The following STXBP5L variants were observed in gnomAD, a reference collection of about 807,000 sequenced individuals.
The protein encoded by STXBP5L is syntaxin binding protein 5L.
A neutral mutation model predicts 144.5 loss-of-function variants in STXBP5L; 65 were observed. That is an observed-to-expected ratio of 0.45 (90% CI 0.37 to 0.55). STXBP5L has a LOEUF of 0.55. Among genes scored for constraint, STXBP5L ranks in the 20% least tolerant of loss-of-function variants. The probability of loss-of-function intolerance (pLI) is 0.00; values close to 1 mark genes in which losing one functional copy is unlikely to be tolerated. For synonymous variants in STXBP5L, 505 were observed against 469.6 expected (o/e 1.08, Z -0.97); for missense variants, 1,298 against 1,405.5 (o/e 0.92, Z 1.22).
chr3:121,199,955 G>T (rs780701304), intron 9 of STXBP5L, among the ~76,000 whole-genome samples: 40 of 151,878 alleles, frequency 2.6e-4, no homozygotes, highest in Non-Finnish European at 5.2e-4. Flanking sequence ...TTTTTTTCTT[G>T]TGTTTCTGCC....
intron 5 of STXBP5L, among the ~76,000 whole-genome samples, chr3:121,054,592 G>A (rs1002433675): frequency 1.8e-5 from 2 of 110,862 alleles, no homozygotes; most frequent in Non-Finnish European, 3.4e-5. Context: ...CCTGTTGTGG[G>A]GTGGGGGGAG....
At chr3:121,316,260 C>A (rs961153477) in intron 19 of STXBP5L, among the ~76,000 whole-genome samples, 2 of 152,092 alleles carry the variant, frequency 1.3e-5, no homozygotes, top group African/African-American at 4.8e-5. Context: ...TTGTTAGATC[C>A]ATATTCAGTT....
At chr3:121,142,902 A>C (rs1192776089) in intron 7 of STXBP5L, among the ~76,000 whole-genome samples, 1 of 151,850 alleles carries the variant, frequency 6.6e-6, no homozygotes, top group African/African-American at 2.4e-5. Flanking sequence ...GAAATAAATG[A>C]AATGGATAAA....
At chr3:120,982,247 C>T (rs151043328) in intron 3 of STXBP5L, among the ~76,000 whole-genome samples, 10 of 152,204 alleles carry the variant, frequency 6.6e-5, no homozygotes, top group East Asian at 1.9e-4. Flanking sequence ...GGTGATGGGC[C>T]GGTCTGTAGA....
intron 2 of STXBP5L, among the ~76,000 whole-genome samples, chr3:120,929,828 A>G (rs930667372): frequency 6.6e-6 from 1 of 152,026 alleles, no homozygotes; most frequent in Non-Finnish European, 1.5e-5. Flanking sequence ...TTTAATTTGT[A>G]TTTTATGATT....
At chr3:121,014,758 A>T (rs911422028) in intron 3 of STXBP5L, among the ~76,000 whole-genome samples, 1 of 152,076 alleles carries the variant, frequency 6.6e-6, no homozygotes, top group Admixed American at 6.6e-5. Flanking sequence ...GTATTTGCAG[A>T]TCTACATATT....
chr3:121,390,245 T>G (rs1560048200), intron 22 of STXBP5L, among the ~76,000 whole-genome samples: 1 of 152,232 alleles, frequency 6.6e-6, no homozygotes, highest in East Asian at 1.9e-4. Context: ...GCTTGGTAGA[T>G]CTTCCTCCAT....
chr3:121,208,756 GT>G, intron 10 of STXBP5L, among the ~76,000 whole-genome samples: 2 of 151,938 alleles, frequency 1.3e-5, no homozygotes, highest in South Asian at 2.1e-4. Context: ...TATTTTATGG[GT>G]TTTTTTCACA....
chr3:121,146,865 A>T (rs1158395621), intron 7 of STXBP5L, among the ~76,000 whole-genome samples: 1 of 152,102 alleles, frequency 6.6e-6, no homozygotes, highest in East Asian at 1.9e-4. Context: ...TACCACGTTA[A>T]CTAAAACATG....
intron 14 of STXBP5L, among the ~76,000 whole-genome samples, chr3:121,248,053 C>CT (rs979656503): frequency 5.3e-5 from 8 of 151,532 alleles, no homozygotes; most frequent in South Asian, 2.1e-4. Flanking sequence ...TTTTGATTTT[C>CT]TTTTTTTTTC....
At chr3:121,013,656 G>T (rs1446761269) in intron 3 of STXBP5L, among the ~76,000 whole-genome samples, 2 of 151,946 alleles carry the variant, frequency 1.3e-5, no homozygotes, top group African/African-American at 4.8e-5. Flanking sequence ...TTGCTGTATG[G>T]AAGGTTTTAG....
chr3:121,409,097 T>C (rs2047061011), intron 23 of STXBP5L, among the ~76,000 whole-genome samples: 1 of 151,816 alleles, frequency 6.6e-6, no homozygotes, highest in African/African-American at 2.4e-5. Context: ...ATGTGGAAGG[T>C]CCAGCTTTGG....
chr3:121,064,063 G>A lies in STXBP5L; in HGVS notation c.470+18528G>A, dbSNP rs114256034. 6.3e-4 allele frequency among the ~76,000 whole-genome samples: 96 copies of A among 152,280 alleles called. 1 individual carries two copies. The highest frequency in any genetic ancestry group is 3.3e-3 in the South Asian group (16 of 4,828). ...AAAAGTAACTCCTCCAGCTAGCTCG[G>A]TGTCTGCTCAAATGGCTGCCATATT... On this transcript the variant is annotated intron_variant, in intron 5 of 26. Coordinates refer to ENST00000471454, the MANE Select transcript of STXBP5L (RefSeq NM_001308330.2).
chr3:121,020,849 T>TGA (rs1945499669), intron 3 of STXBP5L, among the ~76,000 whole-genome samples: 1 of 99,494 alleles, frequency 1.0e-5, no homozygotes. Context: ...AACAATACAA[T>TGA]GAAAAAAAAA....
At chr3:120,911,437 A>G (rs1708837153) in intron 2 of STXBP5L, among the ~76,000 whole-genome samples, 2 of 152,104 alleles carry the variant, frequency 1.3e-5, no homozygotes, top group Admixed American at 6.5e-5. Flanking sequence ...GTTGACAGCC[A>G]TATACTCTTG....
chr3:120,959,323 T>A (rs1049837987), intron 3 of STXBP5L, among the ~76,000 whole-genome samples: 3 of 152,230 alleles, frequency 2.0e-5, no homozygotes, highest in Non-Finnish European at 2.9e-5. Context: ...CTGGCCATAC[T>A]GCTCAAGGTA....
chr3:121,091,979 C>G (rs1168103933), intron 5 of STXBP5L, among the ~76,000 whole-genome samples: 1 of 152,128 alleles, frequency 6.6e-6, no homozygotes, highest in Non-Finnish European at 1.5e-5. Flanking sequence ...GATCCAGTTT[C>G]AGCTTTCTAC....
chr3:121,266,732 C>T (rs925518661), intron 18 of STXBP5L, among the ~76,000 whole-genome samples: 4 of 152,112 alleles, frequency 2.6e-5, no homozygotes, highest in South Asian at 2.1e-4. Flanking sequence ...AAAACCCTAT[C>T]GTCTCAGCCC....
chr3:121,102,136 C>A (rs1276541649), intron 5 of STXBP5L, among the ~76,000 whole-genome samples: 3 of 152,004 alleles, frequency 2.0e-5, no homozygotes, highest in African/African-American at 7.2e-5. Context: ...GCCATACTTC[C>A]CAAAGCAATG....
Sources: allele counts gnomAD v4.1 joint callset (sites outside exome capture counted in the v4.1 genomes callset), GRCh38; gene constraint gnomAD v4.1.1; transcripts MANE v1.5; gene names NCBI Gene and HGNC (gene_info 2026-07-23, HGNC 2026-07-21).